Variants in ARHGAP35 observed in about 807,000 individuals in gnomAD.
ARHGAP35 encodes the protein rho GTPase-activating protein 35.
In ARHGAP35, 15 loss-of-function variants were observed where a neutral mutation model predicts 111.1. The ratio of observed to expected loss-of-function variants is 0.13; its 90% confidence interval spans 0.09 to 0.21. The LOEUF (loss-of-function observed/expected upper bound fraction) is 0.21. Ranked by LOEUF, ARHGAP35 falls within the 10% of genes least tolerant of loss-of-function variation. ARHGAP35 has a pLI of 1.00. For missense variants in ARHGAP35, 1,262 were observed against 1,873.0 expected, an observed-to-expected ratio of 0.67 and a Z score of 6.02; for synonymous variants, 643 against 710.3, an observed-to-expected ratio of 0.91 and a Z score of 1.51.
chr19:46,965,743 C>T (rs576232617), intron 3 of ARHGAP35, among the ~76,000 whole-genome samples: 1 of 152,274 alleles, frequency 6.6e-6, no homozygotes, highest in South Asian at 2.1e-4. Context: ...CCTCAGCCTC[C>T]CAAAGTGCTG....
At chr19:46,890,799 A>G (rs1187265663) in intron 1 of ARHGAP35, among the ~76,000 whole-genome samples, 1 of 151,906 alleles carries the variant, frequency 6.6e-6, no homozygotes, top group Non-Finnish European at 1.5e-5. Context: ...AAAACTATTG[A>G]CTCTATTTCT....
intron 2 of ARHGAP35, among the ~76,000 whole-genome samples, chr19:46,923,161 G>A (rs11666207): frequency 0.064 from 9,335 of 146,644 alleles, 423 homozygotes; most frequent in East Asian, 0.18. Context: ...CTAGAGTGCA[G>A]TGGCGCGATC....
rs1292074971 is a variant in ARHGAP35, at chr19:46,994,966, T to C, written c.4037-4338T>C. Among the ~76,000 whole-genome samples, 1 of 152,188 alleles carries C rather than the reference T, an allele frequency of 6.6e-6. No individual in the cohort carries two copies. The highest frequency in any genetic ancestry group is 1.5e-5 in the Non-Finnish European group (1 of 68,018). The stretch of plus-strand genomic sequence containing the variant: ...CAGCCCAGCCCTTCTCATGCTCACC[T>C]GCCTCTGGGTCAGAGTCACCTCCTC... On this transcript the variant is annotated intron_variant, in intron 5 of 6. Coordinates refer to ENST00000672722, the MANE Select transcript of ARHGAP35 (RefSeq NM_004491.5). This position sits in a 1 kb window ranked among gnomAD's most constrained non-coding sequence, Gnocchi z 5.4.
chr19:46,999,484 G>C lies in ARHGAP35; in HGVS notation c.4142+75G>C. 9.7e-7 allele frequency: 1 copy of C among 1,030,548 alleles called. No homozygotes were observed. The highest frequency in any genetic ancestry group is 2.6e-5 in the East Asian group (1 of 38,498). The allele number at this position is 1,030,548 out of a possible 1,614,324, so 63.8% of individuals were successfully genotyped here. Reference sequence around the variant, plus strand: ...CAGGGTCAGTGTGTCGCAGAACAAGGCTCTGTCCACAAGCCAGTAGAAGCC... The same window carrying C: ...CAGGGTCAGTGTGTCGCAGAACAAGCCTCTGTCCACAAGCCAGTAGAAGCC... On this transcript the variant is annotated intron_variant, in intron 6 of 6. Coordinates refer to ENST00000672722, the MANE Select transcript of ARHGAP35 (RefSeq NM_004491.5). The surrounding 1 kb of genome is among the most constrained non-coding windows in gnomAD (Gnocchi z 5.4).
chr19:46,989,375 C>A lies in ARHGAP35; in HGVS notation c.3905-169C>A, dbSNP rs1317039149. The A allele has an allele frequency of 8.8e-6, 7 of 797,686 alleles. No homozygotes were observed. Among genetic ancestry groups the A allele is most frequent in the Non-Finnish European group, 1.3e-5 (7 of 520,578 alleles). 49.4% of individuals were successfully genotyped at this position (797,686 alleles called of 1,614,324 possible). A position where few individuals can be genotyped will look rare whatever the true frequency, so the allele number is the denominator to read the frequency against. On this transcript the variant is annotated intron_variant, in intron 4 of 6. Coordinates refer to ENST00000672722, the MANE Select transcript of ARHGAP35 (RefSeq NM_004491.5). The surrounding 1 kb of genome is among the most constrained non-coding windows in gnomAD (Gnocchi z 5.3). The stretch of plus-strand genomic sequence containing the variant: ...GTGCTGGGGCCAGCCCATGCCTGAA[C>A]CTCAGAACTCGCGTTAGCGCTCACA...
At chr19:46,927,695 A>T (rs566325675) in intron 2 of ARHGAP35, among the ~76,000 whole-genome samples, 1 of 152,112 alleles carries the variant, frequency 6.6e-6, no homozygotes, top group Non-Finnish European at 1.5e-5. Flanking sequence ...TTTTTTATTT[A>T]TTCCTCCTCC....
intron 3 of ARHGAP35, among the ~76,000 whole-genome samples, chr19:46,970,568 C>T (rs2056540917): frequency 6.6e-6 from 1 of 152,160 alleles, no homozygotes; most frequent in African/African-American, 2.4e-5. Context: ...AGAGTCTATA[C>T]CCTTCATCAG....
At position 47,001,204 on chromosome 19, in the gene ARHGAP35, G is replaced by T. The variant is rs1463863702; in HGVS notation, c.*516G>T. ...TGGCGGCCTCCTTGGGAACGTGTAG[G>T]CCACGGCTCTGCCACCACTAGGTAC... On this transcript the variant is annotated 3_prime_UTR_variant, in exon 7 of 7. Transcript: ENST00000672722. This position sits in a 1 kb window ranked among gnomAD's most constrained non-coding sequence, Gnocchi z 5.4. 1 of 1,269,432 alleles carries T rather than the reference G, an allele frequency of 7.9e-7. No individual in the cohort carries two copies. The highest frequency in any genetic ancestry group is 1.3e-5 in the South Asian group (1 of 78,266). 78.6% of individuals were successfully genotyped at this position (1,269,432 alleles called of 1,614,324 possible). A position where few individuals can be genotyped will look rare whatever the true frequency, so the allele number is the denominator to read the frequency against.
At position 46,988,063 on chromosome 19, in the gene ARHGAP35, C is replaced by G; in HGVS notation, c.3901C>G (p.Gln1301Glu). The G allele has an allele frequency of 6.2e-7, 1 of 1,613,588 alleles. No homozygotes were observed. ...EMESLQRQFD[Q>E]DHNLDLAEKD... Reference sequence around the variant, plus strand: ...GGAGAGTCTGCAGAGACAGTTTGATCAAGGTAAAGTGCAGCCTGGCCAGGC... The same window carrying G: ...GGAGAGTCTGCAGAGACAGTTTGATGAAGGTAAAGTGCAGCCTGGCCAGGC... The change falls in exon 4 of 7, where the codon CAA becomes GAA. Residue 1301 changes from glutamine to glutamate, a missense_variant. Physicochemically the swap from Gln to Glu is conservative, Grantham distance 29. Around this residue, in one of 8 missense-constraint regions of ARHGAP35, gnomAD observed 45 missense variants for 118.2 expected, o/e 0.38. Transcript: ENST00000672722. This position sits in a 1 kb window ranked among gnomAD's most constrained non-coding sequence, Gnocchi z 5.4.
At position 46,919,796 on chromosome 19, in the gene ARHGAP35, C is replaced by G; in HGVS notation, c.1121C>G (p.Pro374Arg). 1 of 1,613,986 alleles carries G rather than the reference C, an allele frequency of 6.2e-7. No homozygotes were observed. The highest frequency in any genetic ancestry group is 1.1e-5 in the South Asian group (1 of 91,088). Reference sequence around the variant, plus strand: ...GCCAAAAAGCTCTTAGAAACCAAGCCAGAATTCTTGAAGTGGTTTGTTGTG... The same window carrying G: ...GCCAAAAAGCTCTTAGAAACCAAGCGAGAATTCTTGAAGTGGTTTGTTGTG... ...IKAKKLLETK[P>R]EFLKWFVVLE... Residue 374 changes from proline (P) to arginine (R), a missense_variant, in exon 2 of 7, where the codon CCA becomes CGA. This residue lies in a region of ARHGAP35 where 328 missense variants were observed against 440.8 expected (regional missense o/e 0.74). Coordinates refer to ENST00000672722, the MANE Select transcript of ARHGAP35 (RefSeq NM_004491.5). The surrounding 1 kb of genome is among the most constrained non-coding windows in gnomAD (Gnocchi z 6.2).
chr19:46,904,279 C>T (rs1166251384), intron 1 of ARHGAP35, among the ~76,000 whole-genome samples: 1 of 152,180 alleles, frequency 6.6e-6, no homozygotes, highest in African/African-American at 2.4e-5. Context: ...CTTGGCCTGC[C>T]TTCCAGTGGC....
chr19:46,975,911 T>C (rs767653769), intron 3 of ARHGAP35, among the ~76,000 whole-genome samples: 1 of 152,222 alleles, frequency 6.6e-6, no homozygotes, highest in Non-Finnish European at 1.5e-5. Context: ...CCTAGATCTA[T>C]GTAATTCTGT....
At chr19:46,970,387 C>A (rs73059304) in intron 3 of ARHGAP35, among the ~76,000 whole-genome samples, 3,717 of 152,168 alleles carry the variant, frequency 0.024, 72 homozygotes, top group Middle Eastern at 0.061. Context: ...AAACTCACAC[C>A]CCTGCAGTCT....
chr19:46,875,001 G>A (rs930568750), intron 1 of ARHGAP35, among the ~76,000 whole-genome samples: 41 of 151,514 alleles, frequency 2.7e-4, no homozygotes, highest in African/African-American at 8.3e-4. Context: ...TAGTAGAGAC[G>A]GGGTTTCACC....
chr19:46,888,307 TATATATATATAA>T (rs1384618930), intron 1 of ARHGAP35, among the ~76,000 whole-genome samples: 8 of 60,366 alleles, frequency 1.3e-4, no homozygotes, highest in African/African-American at 2.0e-4. Flanking sequence ...TATATATATA[TATATATATATAA>T]AATATTGATT....
Position 47,002,478 on chromosome 19 carries a change from A to G in ARHGAP35, c.*1790A>G, listed in dbSNP as rs2056753548. 1 of 152,188 alleles carries G rather than the reference A, an allele frequency of 6.6e-6. No homozygotes were observed. The highest frequency in any genetic ancestry group is 2.1e-4 in the South Asian group (1 of 4,830). The allele number at this position is 152,188 out of a possible 1,614,324, so 9.4% of individuals were successfully genotyped here. On this transcript the variant is annotated 3_prime_UTR_variant, in exon 7 of 7. Transcript: ENST00000672722. ...CCAGGGTTCAGGCGTGTTTTCTGTG[A>G]ATGTTGGATGATGAATTTTTGTCTC...
At position 46,945,396 on chromosome 19, in the gene ARHGAP35, A is replaced by G. The variant is rs1347523077; in HGVS notation, c.3826+7988A>G. The stretch of plus-strand genomic sequence containing the variant: ...GCACAGCAGGAAGTAGAATTATTCA[A>G]TTCAGTGTACCTCTCTGGAATGGGG... On this transcript the variant is annotated intron_variant, in intron 3 of 6. Transcript: ENST00000672722. This position sits in a 1 kb window ranked among gnomAD's most constrained non-coding sequence, Gnocchi z 4.1. 6.6e-6 allele frequency among the ~76,000 whole-genome samples: 1 copy of G among 152,178 alleles called. No homozygotes were observed. The highest frequency in any genetic ancestry group is 1.5e-5 in the Non-Finnish European group (1 of 68,010).
Position 46,922,268 on chromosome 19 carries a change from A to T in ARHGAP35, c.3593A>T (p.Tyr1198Phe). Residue 1198 changes from tyrosine to phenylalanine, a missense_variant, in exon 2 of 7, where the codon TAT becomes TTT. This residue lies in a region of ARHGAP35 where 579 missense variants were observed against 716.9 expected (regional missense o/e 0.81). Coordinates refer to ENST00000672722, the MANE Select transcript of ARHGAP35 (RefSeq NM_004491.5). The surrounding 1 kb of genome is among the most constrained non-coding windows in gnomAD (Gnocchi z 4.0). ...GAGGAGGATCAGGCATCCCAGGGTT[A>T]TAAAGGGGACAATGCTGTCATTCCA... ...KKEEDQASQG[Y>F]KGDNAVIPYE... is the part of the protein sequence containing the mutation. 6.2e-7 allele frequency: 1 copy of T among 1,614,024 alleles called. No homozygotes were observed. The highest frequency in any genetic ancestry group is 8.5e-7 in the Non-Finnish European group (1 of 1,179,888).
At chr19:46,972,979 G>T (rs1340591168) in intron 3 of ARHGAP35, among the ~76,000 whole-genome samples, 1 of 152,116 alleles carries the variant, frequency 6.6e-6, no homozygotes, top group African/African-American at 2.4e-5. Context: ...CTGTTCCCCT[G>T]CACTGAAGAT....
Sources: gnomAD v4.1 joint callset for allele counts (sites outside exome capture counted in the v4.1 genomes callset) on GRCh38, gnomAD v4.1.1 for gene constraint, gnomAD v4.1.1 regional missense constraint, Gnocchi (gnomAD v3.1) non-coding constraint, MANE v1.5 for transcripts, NCBI Gene and HGNC (gene_info 2026-07-23, HGNC 2026-07-21) for gene names.